SNTG1: variants seen among roughly 807,000 people sequenced by gnomAD.
SNTG1 encodes syntrophin gamma 1.
A neutral mutation model predicts 74.7 loss-of-function variants in SNTG1; 39 were observed. That is an observed-to-expected ratio of 0.52 (90% CI 0.40 to 0.68). The LOEUF (loss-of-function observed/expected upper bound fraction) is 0.68, where lower values mean the gene tolerates loss of function less well. SNTG1 is among the 30% of genes least tolerant of loss of function. The pLI, the probability that SNTG1 is intolerant of heterozygous loss-of-function variation, is 0.00. For synonymous variants in SNTG1, 254 were observed against 217.1 expected (o/e 1.17, Z -1.49); for missense variants, 685 against 609.5 (o/e 1.12, Z -1.30).
intron 1 of SNTG1, among the ~76,000 whole-genome samples, chr8:49,967,289 A>G (rs753469865): frequency 9.9e-5 from 15 of 152,236 alleles, no homozygotes; most frequent in Non-Finnish European, 1.9e-4. Flanking sequence ...CTTAGCATGC[A>G]GAAAGCCTGT....
At chr8:50,495,457 CA>C (rs1398637459) in intron 8 of SNTG1, among the ~76,000 whole-genome samples, 1 of 145,280 alleles carries the variant, frequency 6.9e-6, no homozygotes, top group Non-Finnish European at 1.5e-5. Flanking sequence ...TCAATCATGT[CA>C]AATTCTTTTT....
At chr8:50,488,898 G>A (rs1412995151) in intron 8 of SNTG1, among the ~76,000 whole-genome samples, 1 of 152,076 alleles carries the variant, frequency 6.6e-6, no homozygotes, top group Non-Finnish European at 1.5e-5. Flanking sequence ...ATCTACATTA[G>A]GTATTTCTTC....
At chr8:50,670,178 G>A (rs1389873195) in intron 15 of SNTG1, among the ~76,000 whole-genome samples, 3 of 152,182 alleles carry the variant, frequency 2.0e-5, no homozygotes. Context: ...CATAGTGTTG[G>A]AAGTTCTGGC....
chr8:50,767,401 G>A (rs951729823), intron 18 of SNTG1, among the ~76,000 whole-genome samples: 7 of 151,876 alleles, frequency 4.6e-5, no homozygotes, highest in Admixed American at 4.6e-4. Context: ...TGTTGTTGTT[G>A]TTGATCTATA....
At chr8:50,573,104 A>G (rs558052384) in intron 12 of SNTG1, among the ~76,000 whole-genome samples, 2 of 152,262 alleles carry the variant, frequency 1.3e-5, no homozygotes, top group South Asian at 2.1e-4. Context: ...TGGCAATGTA[A>G]TTTTAAAAAA....
intron 2 of SNTG1, among the ~76,000 whole-genome samples, chr8:50,310,036 C>G (rs1004605710): frequency 6.6e-6 from 1 of 152,158 alleles, no homozygotes; most frequent in Admixed American, 6.5e-5. Context: ...TTAATTGAAA[C>G]TCAATCTGTG....
chr8:50,541,035 T>A lies in SNTG1; in HGVS notation c.680+4227T>A, dbSNP rs185885272. ...CTTTAATGTAACTACATATATATTT[T>A]GATTATACATCTTATTTTTTTCTAT... is the stretch of plus-strand genomic sequence containing the variant. On this transcript the variant is annotated intron_variant, in intron 11 of 18. Transcript: ENST00000642720. 3.8e-3 allele frequency among the ~76,000 whole-genome samples: 575 copies of A among 152,234 alleles called. 1 individual carries two copies. The highest frequency in any genetic ancestry group is 0.01 in the South Asian group (50 of 4,830).
At chr8:50,521,548 T>C (rs2094179740) in intron 9 of SNTG1, among the ~76,000 whole-genome samples, 1 of 152,206 alleles carries the variant, frequency 6.6e-6, no homozygotes, top group Admixed American at 6.5e-5. Context: ...GGAATGGCTA[T>C]GACAATTCCT....
intron 2 of SNTG1, among the ~76,000 whole-genome samples, chr8:50,344,893 T>G (rs1279572108): frequency 1.3e-5 from 2 of 152,162 alleles, no homozygotes. Flanking sequence ...TAAATGAGGT[T>G]CTTAAAGTGG....
chr8:50,515,053 T>A (rs551200109), intron 9 of SNTG1, among the ~76,000 whole-genome samples: 1 of 152,336 alleles, frequency 6.6e-6, no homozygotes, highest in African/African-American at 2.4e-5. Flanking sequence ...CCCTTTTATA[T>A]CATTTGAATG....
chr8:50,556,545 G>T (rs2094456492), intron 12 of SNTG1, among the ~76,000 whole-genome samples: 1 of 152,138 alleles, frequency 6.6e-6, no homozygotes, highest in South Asian at 2.1e-4. Flanking sequence ...CCAGCTATAT[G>T]AACAAGTATT....
At chr8:49,959,760 G>A (rs1810513391) in intron 1 of SNTG1, among the ~76,000 whole-genome samples, 1 of 152,158 alleles carries the variant, frequency 6.6e-6, no homozygotes, top group African/African-American at 2.4e-5. Context: ...GTGAACAGCT[G>A]TATCCAAGTT....
chr8:50,509,550 A>G (rs1434534362), intron 9 of SNTG1, among the ~76,000 whole-genome samples: 4 of 152,192 alleles, frequency 2.6e-5, no homozygotes, highest in Non-Finnish European at 5.9e-5. Flanking sequence ...ACCCATGAGC[A>G]TGGAATGTTC....
chr8:50,126,509 A>C (rs1202456004), intron 1 of SNTG1, among the ~76,000 whole-genome samples: 1 of 152,110 alleles, frequency 6.6e-6, no homozygotes, highest in Non-Finnish European at 1.5e-5. Context: ...TTGATGAAAA[A>C]AAGATATGCA....
intron 2 of SNTG1, chr8:50,286,774 G>A (rs546009989): frequency 2.6e-5 from 4 of 152,256 alleles, no homozygotes; most frequent in Admixed American, 2.6e-4. Context: ...TTCATAATTG[G>A]TGAAGAAATA....
intron 2 of SNTG1, among the ~76,000 whole-genome samples, chr8:50,376,375 T>A (rs1223886911): frequency 6.6e-6 from 1 of 152,184 alleles, no homozygotes. Flanking sequence ...TTACTGAGGT[T>A]TTCTTTGCAG....
chr8:50,067,445 C>T (rs937845270), intron 1 of SNTG1, among the ~76,000 whole-genome samples: 1 of 152,156 alleles, frequency 6.6e-6, no homozygotes, highest in African/African-American at 2.4e-5. Flanking sequence ...TCAGGTCTCT[C>T]CATTTCTGAT....
chr8:49,960,503 A>G (rs1015241618), intron 1 of SNTG1, among the ~76,000 whole-genome samples: 2 of 152,144 alleles, frequency 1.3e-5, no homozygotes, highest in Non-Finnish European at 2.9e-5. Flanking sequence ...TCTGATTTTG[A>G]AAAAAGAAAT....
intron 1 of SNTG1, among the ~76,000 whole-genome samples, chr8:50,111,714 A>G (rs777336582): frequency 6.6e-5 from 10 of 152,170 alleles, no homozygotes; most frequent in Non-Finnish European, 1.5e-4. Flanking sequence ...ACCAAGGCCC[A>G]GTGGAGGGCA....
Sources: allele counts gnomAD v4.1 joint callset (sites outside exome capture counted in the v4.1 genomes callset), GRCh38; gene constraint gnomAD v4.1.1; transcripts MANE v1.5; gene names NCBI Gene and HGNC (gene_info 2026-07-23, HGNC 2026-07-21).